The following MRPS33 variants were observed in gnomAD, a reference collection of about 807,000 sequenced individuals.
MRPS33 encodes mitochondrial ribosomal protein S33.
MRPS33 carries 11 observed loss-of-function variants against 11.2 expected under a neutral mutation model. The ratio of observed to expected loss-of-function variants is 0.99; its 90% CI spans 0.62 to 1.63. The LOEUF is 1.63. Among genes scored for constraint, MRPS33 ranks in the 40% most tolerant of loss-of-function variants. MRPS33 has a pLI of 0.00. For missense variants in MRPS33, 109 were observed against 127.8 expected (o/e 0.85, Z 0.71); for synonymous variants, 46 against 44.0 (o/e 1.05, Z -0.18).
At chr7:141,013,833 G>C (rs1563069290) in intron 1 of MRPS33, among the ~76,000 whole-genome samples, 1 of 152,160 alleles carries the variant, frequency 6.6e-6, no homozygotes, top group Admixed American at 6.5e-5. Flanking sequence ...CTTTTTGATA[G>C]GTCTGATGCA....
rs766162591 is a variant in MRPS33, at chr7:141,006,550, A to T, written c.216-15T>A. The T allele has an allele frequency of 2.5e-6, 4 of 1,599,488 alleles. No homozygotes were observed. The highest frequency in any genetic ancestry group is 3.4e-6 in the Non-Finnish European group (4 of 1,168,290). ...GATGCTCATCTCTGAATGAAGAAGGAAAAAATAATTAACCAGTTATTTTTA... is the reference window on the plus strand; with the variant it reads ...GATGCTCATCTCTGAATGAAGAAGGTAAAAATAATTAACCAGTTATTTTTA... On this transcript the variant is annotated splice_polypyrimidine_tract_variant and intron_variant, in intron 2 of 2. Transcript: ENST00000324787.
chr7:141,007,409 T>C (rs771960774), intron 2 of MRPS33, among the ~76,000 whole-genome samples: 1 of 152,206 alleles, frequency 6.6e-6, no homozygotes, highest in African/African-American at 2.4e-5. Flanking sequence ...ATGAACATCA[T>C]GGACAGTATA....
At position 141,003,181 on chromosome 7, in the gene MRPS33, C is replaced by G. The variant is rs1345504431; in HGVS notation, c.*3249G>C. ...ACTGATCCCCACAGGTTAGAAAGCA[C>G]CAATAGTTTAGGTTTTGACCAGAGA... is the stretch of plus-strand genomic sequence containing the variant. On this transcript the variant is annotated 3_prime_UTR_variant, in exon 3 of 3. Coordinates refer to ENST00000324787, the MANE Select transcript of MRPS33 (RefSeq NM_053035.3). The G allele has an allele frequency of 6.6e-6, 1 of 152,186 alleles. No individual in the cohort carries two copies. Among genetic ancestry groups the G allele is most frequent in the Non-Finnish European group, 1.5e-5 (1 of 68,044 alleles). 9.4% of individuals were successfully genotyped at this position (152,186 alleles called of 1,614,324 possible).
intron 2 of MRPS33, chr7:141,010,084 G>A (rs901911742): frequency 2.0e-5 from 4 of 200,568 alleles, no homozygotes; most frequent in African/African-American, 4.7e-5. Flanking sequence ...TTACAAGCGT[G>A]AGCCACTGCG....
At chr7:141,012,480 A>T (rs1820699763) in intron 1 of MRPS33, among the ~76,000 whole-genome samples, 1 of 152,204 alleles carries the variant, frequency 6.6e-6, no homozygotes, top group African/African-American at 2.4e-5. Flanking sequence ...TAGCAGTTTA[A>T]TGTATAAACA....
rs1820501909 is a variant in MRPS33, at chr7:141,005,436, C to T, written c.*994G>A. The T allele has an allele frequency of 6.6e-6, 1 of 152,242 alleles. No homozygotes were observed. Among genetic ancestry groups the T allele is most frequent in the South Asian group, 2.1e-4 (1 of 4,838 alleles). The allele number at this position is 152,242 out of a possible 1,614,324, so 9.4% of individuals were successfully genotyped here. ...TGGCGTGATCTCAACTCACTGCAAC[C>T]TTTGCCTCCCGGGTTCAAGCGATTC... On this transcript the variant is annotated 3_prime_UTR_variant, in exon 3 of 3. Coordinates refer to ENST00000324787, the MANE Select transcript of MRPS33 (RefSeq NM_053035.3).
At chr7:141,013,071 AAAAG>A (rs1194018129) in intron 1 of MRPS33, among the ~76,000 whole-genome samples, 38 of 152,116 alleles carry the variant, frequency 2.5e-4, no homozygotes, top group Non-Finnish European at 4.0e-4. Context: ...GAAAAAAAAA[AAAAG>A]AGAGAGAGAC....
At chr7:141,012,982 G>T (rs1008991283) in intron 1 of MRPS33, among the ~76,000 whole-genome samples, 1 of 151,686 alleles carries the variant, frequency 6.6e-6, no homozygotes. Context: ...AAAAAAGAAC[G>T]AGCCCAGATC....
intron 1 of MRPS33, among the ~76,000 whole-genome samples, chr7:141,010,883 C>G (rs1820660342): frequency 6.6e-6 from 1 of 152,168 alleles, no homozygotes; most frequent in South Asian, 2.1e-4. Context: ...CTATTACTTC[C>G]TTGCTGTATT....
rs1484292859 is a variant in MRPS33 at position 141,006,495 on chromosome 7, T to G, written c.256A>C (p.Lys86Gln). The G allele has an allele frequency of 6.2e-7, 1 of 1,614,054 alleles. No individual in the cohort carries two copies. The highest frequency in any genetic ancestry group is 8.5e-7 in the Non-Finnish European group (1 of 1,180,028). Residue 86 changes from lysine to glutamine, a missense_variant, in exon 3 of 3, where the codon AAG becomes CAG. Lys to Gln is a moderately conservative substitution (Grantham distance 53). Coordinates refer to ENST00000324787, the MANE Select transcript of MRPS33 (RefSeq NM_053035.3). ...GGTTTCTCCTTTCCACGAAGCTTCTTTAGTCGTTTTTGCTCATCCATAAAA... is the reference window on the plus strand; with the variant it reads ...GGTTTCTCCTTTCCACGAAGCTTCTGTAGTCGTTTTTGCTCATCCATAAAA... The part of the protein sequence containing the change: ...QDFMDEQKRL[K>Q]KLRGKEKPKK...
chr7:141,005,575 C>G lies in MRPS33; in HGVS notation c.*855G>C, dbSNP rs1351980621. 6.6e-6 allele frequency: 1 copy of G among 152,182 alleles called. No homozygotes were observed. The highest frequency in any genetic ancestry group is 1.5e-5 in the Non-Finnish European group (1 of 68,060). 9.4% of individuals were successfully genotyped at this position (152,182 alleles called of 1,614,324 possible). On this transcript the variant is annotated 3_prime_UTR_variant, in exon 3 of 3. Transcript: ENST00000324787. ...CCATGTTGGCCAAAATGGTCTCGAT[C>G]TCTTGACCTTGTGATCCACCCACCT...
At chr7:141,009,131 T>C (rs551020497) in intron 2 of MRPS33, among the ~76,000 whole-genome samples, 1 of 151,602 alleles carries the variant, frequency 6.6e-6, no homozygotes, top group African/African-American at 2.4e-5. Context: ...ACACAGGTAT[T>C]TGATTTTTTT....
chr7:141,010,221 G>T (rs1487623238), intron 2 of MRPS33, 198 bp downstream of exon 2: 15 of 575,828 alleles, frequency 2.6e-5, no homozygotes, highest in Non-Finnish European at 4.0e-5. Context: ...CTTCCAACAA[G>T]CATGAATTTC....
At chr7:141,009,060 G>T (rs752085638) in intron 2 of MRPS33, among the ~76,000 whole-genome samples, 1 of 151,430 alleles carries the variant, frequency 6.6e-6, no homozygotes, top group Admixed American at 6.6e-5. Context: ...CTCTCAAAGC[G>T]CTGGGATTAC....
At chr7:141,008,985 G>A (rs1820605417) in intron 2 of MRPS33, among the ~76,000 whole-genome samples, 1 of 151,336 alleles carries the variant, frequency 6.6e-6, no homozygotes, top group Admixed American at 6.6e-5. Context: ...AGTAGAGACG[G>A]GGTTTCACCA....
At chr7:141,009,803 GTTTT>G (rs1284116070) in intron 2 of MRPS33, 10 of 136,790 alleles carry the variant, frequency 7.3e-5, no homozygotes, top group Admixed American at 2.2e-4. Context: ...TCTCTGCATT[GTTTT>G]TTTTTTTTTT....
chr7:141,010,943 A>G (rs1170281884), intron 1 of MRPS33, among the ~76,000 whole-genome samples: 13 of 152,208 alleles, frequency 8.5e-5, no homozygotes, highest in Admixed American at 6.5e-4. Context: ...ATTTACTGAC[A>G]GTCAGTTTAC....
At chr7:141,007,681 G>C (rs1486504401) in intron 2 of MRPS33, among the ~76,000 whole-genome samples, 1 of 151,974 alleles carries the variant, frequency 6.6e-6, no homozygotes, top group Admixed American at 6.6e-5. Flanking sequence ...CTGTGCTCTT[G>C]CCCCTCTGCC....
rs773388230 is a variant in MRPS33 at position 141,010,460 on chromosome 7, G to GT, written c.173dup (p.Tyr58Ter). The GT allele has an allele frequency of 1.4e-5, 23 of 1,614,014 alleles. No homozygotes were observed. The highest frequency in any genetic ancestry group is 6.8e-6 in the Non-Finnish European group (8 of 1,179,986). The change falls in exon 2 of 3, where the codon TAC (tyrosine) becomes TAAC (stop). Residue 58 changes from tyrosine (Y) to a stop codon, truncating the protein, a stop_gained and frameshift_variant. Coordinates refer to ENST00000324787, the MANE Select transcript of MRPS33 (RefSeq NM_053035.3). LOFTEE classifies it high-confidence loss of function. ...ATCGGAGCGTCTGCATGAGTTCAGCGTAAGTGTGGTGATTTGGATACCAAT... is the reference window on the plus strand; with the variant it reads ...ATCGGAGCGTCTGCATGAGTTCAGCGTTAAGTGTGGTGATTTGGATACCAAT... ...TYDWYPNHHT[Y>*]AELMQTLRFL...
Sources: gnomAD v4.1 joint callset for allele counts (sites outside exome capture counted in the v4.1 genomes callset) on GRCh38, gnomAD v4.1.1 for gene constraint, MANE v1.5 for transcripts, NCBI Gene and HGNC (gene_info 2026-07-23, HGNC 2026-07-21) for gene names.